The following NCMAP variants were observed in gnomAD, a reference collection of about 807,000 sequenced individuals.
The protein encoded by NCMAP is noncompact myelin-associated protein.
NCMAP carries 8 observed loss-of-function variants against 7.8 expected under a neutral mutation model. That is an observed-to-expected ratio of 1.02 (90% confidence interval 0.60 to 1.84). NCMAP has a LOEUF of 1.84. Ranked by LOEUF, NCMAP falls within the 40% of genes most tolerant of loss-of-function variation. The probability of loss-of-function intolerance (pLI) is 0.00; values close to 1 mark genes in which losing one functional copy is unlikely to be tolerated. For synonymous variants in NCMAP, 41 were observed against 52.9 expected, an observed-to-expected ratio of 0.78 and a Z score of 0.98; for missense variants, 112 against 131.4, an observed-to-expected ratio of 0.85 and a Z score of 0.72.
rs563035118 is a variant in NCMAP at position 24,583,443 on chromosome 1, G to A, written c.-7-11981G>A. Among the ~76,000 whole-genome samples the A allele has an allele frequency of 4.6e-5, 7 of 152,302 alleles. No individual in the cohort carries two copies. The South Asian group carries it at 1.5e-3, about 32-fold the overall frequency. ...AGTGAGCAGAGAGTTGCCAGGCACG[G>A]TGGCTCATGCCTGTAATCCCAGCAC... is the stretch of plus-strand genomic sequence containing the variant. On this transcript the variant is annotated intron_variant, in intron 1 of 3. Coordinates refer to ENST00000374392, the MANE Select transcript of NCMAP (RefSeq NM_001010980.5).
intron 1 of NCMAP, among the ~76,000 whole-genome samples, chr1:24,571,023 C>A (rs993122458): frequency 2.7e-5 from 4 of 150,762 alleles, no homozygotes; most frequent in African/African-American, 1.0e-4. Flanking sequence ...CCTCATCAAA[C>A]CCCATTCTGC....
chr1:24,584,176 T>C lies in NCMAP; in HGVS notation c.-7-11248T>C, dbSNP rs112571143. 5.6e-3 allele frequency among the ~76,000 whole-genome samples: 858 copies of C among 152,228 alleles called. 5 individuals are homozygous for C. The highest frequency in any genetic ancestry group is 0.019 in the African/African-American group (807 of 41,532). ...ACAGCGGGACACCTGGAGATTTACA[T>C]GGGAGCTCCTATGGAGGTCGAGGAC... On this transcript the variant is annotated intron_variant, in intron 1 of 3. Coordinates refer to ENST00000374392, the MANE Select transcript of NCMAP (RefSeq NM_001010980.5).
At chr1:24,604,979 G>C (rs867104826) in intron 3 of NCMAP, among the ~76,000 whole-genome samples, 1 of 151,874 alleles carries the variant, frequency 6.6e-6, no homozygotes, top group African/African-American at 2.4e-5. Flanking sequence ...AGCTGGGCAT[G>C]GTGACAGGTG....
Position 24,556,140 on chromosome 1 carries a change from C to A in NCMAP, c.-37C>A, listed in dbSNP as rs995232862. ...CTGGCTGGGAGCGCGGCGGTGCCGG[C>A]GGGAGGCCGAGCGGGGCTCGACAGA... On this transcript the variant is annotated 5_prime_UTR_variant, in exon 1 of 4. Coordinates refer to ENST00000374392, the MANE Select transcript of NCMAP (RefSeq NM_001010980.5). The A allele has an allele frequency of 1.3e-5, 2 of 152,688 alleles. No homozygotes were observed. Among genetic ancestry groups the A allele is most frequent in the Admixed American group, 6.6e-5 (1 of 15,260 alleles). The allele number at this position is 152,688 out of a possible 1,614,324, so 9.5% of individuals were successfully genotyped here.
At chr1:24,577,435 T>G (rs2148929874) in intron 1 of NCMAP, among the ~76,000 whole-genome samples, 2 of 139,752 alleles carry the variant, frequency 1.4e-5, no homozygotes, top group South Asian at 2.3e-4. Context: ...TTTTTTTGGT[T>G]TTTTTGTTTG....
intron 1 of NCMAP, among the ~76,000 whole-genome samples, chr1:24,589,780 A>G (rs1047775554): frequency 1.3e-5 from 2 of 152,206 alleles, no homozygotes; most frequent in African/African-American, 4.8e-5. Context: ...CCAGCTCTGT[A>G]GCTTTGGGGC....
At chr1:24,569,253 C>G (rs111776662) in intron 1 of NCMAP, among the ~76,000 whole-genome samples, 1 of 152,052 alleles carries the variant, frequency 6.6e-6, no homozygotes, top group African/African-American at 2.4e-5. Context: ...CTCAGCCTCC[C>G]AAAGTGCTGG....
At chr1:24,595,665 A>C in intron 2 of NCMAP, 153 bp downstream of exon 2, 1 of 596,688 alleles carries the variant, frequency 1.7e-6, no homozygotes, top group South Asian at 2.3e-5. Flanking sequence ...AATGACAGAC[A>C]AAGCAATGGA....
chr1:24,563,149 C>A (rs1464499278), intron 1 of NCMAP, among the ~76,000 whole-genome samples: 1 of 152,234 alleles, frequency 6.6e-6, no homozygotes, highest in East Asian at 1.9e-4. Context: ...GGAAGAAATT[C>A]ATGAAATAAT....
At chr1:24,587,488 T>C (rs927164435) in intron 1 of NCMAP, among the ~76,000 whole-genome samples, 13 of 152,286 alleles carry the variant, frequency 8.5e-5, no homozygotes, top group African/African-American at 3.1e-4. Context: ...GAACCTTTCA[T>C]GCACAAAGGT....
In NCMAP at chr1:24,607,790, G is replaced by A. The variant is rs909650603; in HGVS notation, c.*2043G>A. The A allele has an allele frequency of 9.8e-5, 15 of 152,366 alleles. No individual in the cohort carries two copies. The highest frequency in any genetic ancestry group is 2.7e-4 in the African/African-American group (11 of 41,466). The allele number at this position is 152,366 out of a possible 1,614,324, so 9.4% of individuals were successfully genotyped here. A position where few individuals can be genotyped will look rare whatever the true frequency, so the allele number is the denominator to read the frequency against. ...GTGGCATGAGAATCACTTGAACCTG[G>A]AAGGCAGAGGTTGCAGTGAGCCAAG... On this transcript the variant is annotated 3_prime_UTR_variant, in exon 4 of 4. Transcript: ENST00000374392.
Position 24,576,479 on chromosome 1 carries a change from G to C in NCMAP, c.-7-18945G>C, listed in dbSNP as rs1350429342. Among the ~76,000 whole-genome samples the C allele has an allele frequency of 1.3e-5, 2 of 152,202 alleles. No homozygotes were observed. Among genetic ancestry groups the C allele is most frequent in the Non-Finnish European group, 2.9e-5 (2 of 68,030 alleles). On this transcript the variant is annotated intron_variant, in intron 1 of 3. Coordinates refer to ENST00000374392, the MANE Select transcript of NCMAP (RefSeq NM_001010980.5). The surrounding 1 kb of genome is among the most constrained non-coding windows in gnomAD (Gnocchi z 4.0). ...TGCCAGGCCCAGGCTTGGCAGGAAA[G>C]GGGAGGGGTGTTCCTTCTGGAATGG... is the stretch of plus-strand genomic sequence containing the variant.
chr1:24,586,544 C>T (rs547176260), intron 1 of NCMAP, among the ~76,000 whole-genome samples: 64 of 152,264 alleles, frequency 4.2e-4, no homozygotes, highest in South Asian at 1.0e-3. Flanking sequence ...GGGCGGATCA[C>T]AAGGTCAGGA....
chr1:24,583,717 GAAAAAAA>G lies in NCMAP; in HGVS notation c.-7-11692_-7-11686del, dbSNP rs71032830. On this transcript the variant is annotated intron_variant, in intron 1 of 3. Coordinates refer to ENST00000374392, the MANE Select transcript of NCMAP (RefSeq NM_001010980.5). ...GGTGACAGAGCAAGACTCCGTCTCA[GAAAAAAA>G]AAAAAAAAAAAAAAGTGAGCAGGTG... is the stretch of plus-strand genomic sequence containing the variant. Among the ~76,000 whole-genome samples the G allele has an allele frequency of 7.7e-5, 8 of 104,050 alleles. No homozygotes were observed. The South Asian group carries it at 2.1e-3, about 27-fold the overall frequency. 68.3% of individuals were successfully genotyped at this position (104,050 alleles called of 152,430 possible).
At chr1:24,577,583 G>T (rs187158669) in intron 1 of NCMAP, among the ~76,000 whole-genome samples, 2 of 151,866 alleles carry the variant, frequency 1.3e-5, no homozygotes, top group East Asian at 3.9e-4. Context: ...CCTGGCCTTG[G>T]TTCTGGAAGT....
chr1:24,594,240 G>C (rs1332471014), intron 1 of NCMAP, among the ~76,000 whole-genome samples: 1 of 152,058 alleles, frequency 6.6e-6, no homozygotes, highest in Non-Finnish European at 1.5e-5. Flanking sequence ...CTTGGTGGAG[G>C]ATCTCAAAAC....
intron 1 of NCMAP, among the ~76,000 whole-genome samples, chr1:24,574,173 G>C (rs1651478708): frequency 6.7e-6 from 1 of 149,718 alleles, no homozygotes; most frequent in South Asian, 2.1e-4. Flanking sequence ...CCAGGCTGGA[G>C]TGCAGTGGAA....
intron 1 of NCMAP, among the ~76,000 whole-genome samples, chr1:24,560,780 C>G (rs1227984911): frequency 1.3e-5 from 2 of 151,810 alleles, no homozygotes; most frequent in African/African-American, 4.8e-5. Context: ...AACTTTTCCC[C>G]TCGCTGCTGT....
At chr1:24,595,613 T>C in intron 2 of NCMAP, 101 bp downstream of exon 2, 1 of 901,314 alleles carries the variant, frequency 1.1e-6, no homozygotes, top group South Asian at 1.6e-5. Context: ...GTGGACTGCC[T>C]GGGTCTCAGG....
Sources: gnomAD v4.1 joint callset for allele counts (sites outside exome capture counted in the v4.1 genomes callset) on GRCh38, gnomAD v4.1.1 for gene constraint, Gnocchi (gnomAD v3.1) non-coding constraint, MANE v1.5 for transcripts, NCBI Gene and HGNC (gene_info 2026-07-23, HGNC 2026-07-21) for gene names.